WDFY2: variants seen among roughly 807,000 people sequenced by gnomAD.
WDFY2 encodes the protein WD repeat and FYVE domain containing 2, also known as WD repeat and FYVE domain-containing protein 2.
Under a neutral mutation model 56.4 loss-of-function variants are expected in WDFY2, and 36 were observed. That is an observed-to-expected ratio of 0.64 (90% CI 0.49 to 0.84). WDFY2 has a LOEUF of 0.84. Among genes scored for constraint, WDFY2 ranks in the 40% least tolerant of loss-of-function variants. The pLI is 0.00. For missense variants in WDFY2, 444 were observed against 512.2 expected (o/e 0.87, Z 1.29); for synonymous variants, 176 against 183.7 (o/e 0.96, Z 0.34).
intron 1 of WDFY2, among the ~76,000 whole-genome samples, chr13:51,655,298 C>CT: frequency 6.6e-6 from 1 of 152,070 alleles, no homozygotes; most frequent in South Asian, 2.1e-4. Context: ...TATGTTTTCA[C>CT]TTTTTATTGA....
intron 7 of WDFY2, among the ~76,000 whole-genome samples, chr13:51,743,790 C>G (rs564578130): frequency 6.6e-6 from 1 of 152,176 alleles, no homozygotes; most frequent in African/African-American, 2.4e-5. Flanking sequence ...AGTGGGAGGC[C>G]TCAGTGCGGG....
intron 3 of WDFY2, 34 bp from the exon 4 acceptor site, chr13:51,703,562 T>C: frequency 6.7e-7 from 1 of 1,490,696 alleles, no homozygotes; most frequent in Non-Finnish European, 9.2e-7. Context: ...TTAAAGAATT[T>C]ATTTTTGTTT....
chr13:51,733,794 A>G (rs1403406758), intron 6 of WDFY2, among the ~76,000 whole-genome samples: 3 of 152,186 alleles, frequency 2.0e-5, no homozygotes, highest in African/African-American at 7.2e-5. Context: ...TGTCTAGAGC[A>G]TGTATTGGCT....
At chr13:51,734,239 T>C (rs761736739) in intron 6 of WDFY2, among the ~76,000 whole-genome samples, 7 of 152,104 alleles carry the variant, frequency 4.6e-5, no homozygotes, top group South Asian at 2.1e-4. Flanking sequence ...CAAAAAAAAA[T>C]TAGTTCCCTA....
At position 51,757,637 on chromosome 13, in the gene WDFY2, A is replaced by T. The variant is rs1354012921; in HGVS notation, c.1065-555A>T. On this transcript the variant is annotated intron_variant, in intron 10 of 11. Transcript: ENST00000298125. ...AGGCAGCTGACAAGTCTTCTTACTT[A>T]AAAAAAAAAAAAGTATAGGTAAAAA... 2.1e-5 allele frequency among the ~76,000 whole-genome samples: 3 copies of T among 141,504 alleles called. No homozygotes were observed. The South Asian group carries it at 6.7e-4, about 32-fold the overall frequency. 92.8% of individuals were successfully genotyped at this position (141,504 alleles called of 152,430 possible). A position where few individuals can be genotyped will look rare whatever the true frequency, so the allele number is the denominator to read the frequency against.
intron 1 of WDFY2, 135 bp from the exon 2 acceptor site, chr13:51,660,459 CAA>C: frequency 1.6e-6 from 1 of 620,198 alleles, no homozygotes; most frequent in Non-Finnish European, 2.7e-6. Flanking sequence ...CTCGGCCTCT[CAA>C]AGTGCTGGGA....
chr13:51,609,558 CAA>C (rs1003031904), intron 1 of WDFY2, among the ~76,000 whole-genome samples: 5 of 141,236 alleles, frequency 3.5e-5, no homozygotes, highest in African/African-American at 1.3e-4. Flanking sequence ...TTTAAGGCAT[CAA>C]AAAACAAAAC....
At chr13:51,706,982 A>G (rs1049791941) in intron 4 of WDFY2, among the ~76,000 whole-genome samples, 17 of 152,352 alleles carry the variant, frequency 1.1e-4, no homozygotes, top group Non-Finnish European at 2.4e-4. Context: ...AGGAACAACA[A>G]GGAAATAAAA....
chr13:51,598,679 A>G (rs1425551722), intron 1 of WDFY2: 1 of 152,214 alleles, frequency 6.6e-6, no homozygotes, highest in East Asian at 1.9e-4. Context: ...TTCTCTATCC[A>G]AAGAAATATA....
chr13:51,585,567 T>G (rs758469323), intron 1 of WDFY2, among the ~76,000 whole-genome samples: 1 of 152,220 alleles, frequency 6.6e-6, no homozygotes, highest in Non-Finnish European at 1.5e-5. Flanking sequence ...CTCTCTCTGT[T>G]TTGCGTTTTC....
Position 51,766,731 on chromosome 13 carries a change from C to T in WDFY2, c.*6962C>T, listed in dbSNP as rs970873136. ...ACCAAAATATACGTGTAGCCATTAC[C>T]AATGTACAACTCTCAATGCGGAGTT... is the stretch of plus-strand genomic sequence containing the variant. On this transcript the variant is annotated 3_prime_UTR_variant, in exon 12 of 12. Transcript: ENST00000298125. The T allele has an allele frequency of 1.3e-5, 2 of 152,270 alleles. No individual in the cohort carries two copies. The highest frequency in any genetic ancestry group is 1.3e-4 in the Admixed American group (2 of 15,284). 9.4% of individuals were successfully genotyped at this position (152,270 alleles called of 1,614,324 possible). A position where few individuals can be genotyped will look rare whatever the true frequency, so the allele number is the denominator to read the frequency against.
rs1182874337 is a variant in WDFY2 at position 51,767,271 on chromosome 13, T to A, written c.*7502T>A. 6.6e-6 allele frequency: 1 copy of A among 152,272 alleles called. No homozygotes were observed. The highest frequency in any genetic ancestry group is 1.5e-5 in the Non-Finnish European group (1 of 68,048). 9.4% of individuals were successfully genotyped at this position (152,272 alleles called of 1,614,324 possible). ...CCACACCCAGCATTGCTGAGGCCCA[T>A]CATCCTCCTGCAGAAAAGGAGGCAT... On this transcript the variant is annotated 3_prime_UTR_variant, in exon 12 of 12. Coordinates refer to ENST00000298125, the MANE Select transcript of WDFY2 (RefSeq NM_052950.4).
At chr13:51,748,166 C>T (rs1028560856) in intron 7 of WDFY2, among the ~76,000 whole-genome samples, 2 of 152,194 alleles carry the variant, frequency 1.3e-5, no homozygotes, top group African/African-American at 2.4e-5. Flanking sequence ...CCCCCTCCCC[C>T]GACTGCCAAA....
chr13:51,709,357 CAG>C (rs1456666602), intron 4 of WDFY2, among the ~76,000 whole-genome samples: 1 of 152,162 alleles, frequency 6.6e-6, no homozygotes, highest in African/African-American at 2.4e-5. Context: ...GAATTAATAA[CAG>C]AAAAATCTCT....
chr13:51,601,839 G>A (rs997605923), intron 1 of WDFY2, among the ~76,000 whole-genome samples: 1 of 152,148 alleles, frequency 6.6e-6, no homozygotes, highest in Non-Finnish European at 1.5e-5. Context: ...GCAGAGGCAT[G>A]AGTGTGGAGC....
chr13:51,756,439 C>T lies in WDFY2; in HGVS notation c.1041C>T (p.Cys347=). The T allele has an allele frequency of 6.2e-7, 1 of 1,614,042 alleles. No homozygotes were observed. The highest frequency in any genetic ancestry group is 8.5e-7 in the Non-Finnish European group (1 of 1,179,948). Residue 347 remains cysteine (C), a synonymous_variant, in exon 10 of 12, where the codon TGC becomes TGT. Coordinates refer to ENST00000298125, the MANE Select transcript of WDFY2 (RefSeq NM_052950.4). ...TTGAAGTGAGGGTCTGTGACAGCTGCCACGAGGCCATCACAGATGAAGAGT... is the reference window on the plus strand; with the variant it reads ...TTGAAGTGAGGGTCTGTGACAGCTGTCACGAGGCCATCACAGATGAAGAGT... The part of the protein sequence containing the change: ...FEFEVRVCDS[C]HEAITDEERA...
chr13:51,666,446 A>G (rs979156138), intron 2 of WDFY2, among the ~76,000 whole-genome samples: 1 of 152,202 alleles, frequency 6.6e-6, no homozygotes, highest in Non-Finnish European at 1.5e-5. Flanking sequence ...GACACAGCCT[A>G]CTGGTGTGGT....
chr13:51,733,126 C>G (rs1952760398), intron 6 of WDFY2, among the ~76,000 whole-genome samples: 1 of 152,230 alleles, frequency 6.6e-6, no homozygotes, highest in Non-Finnish European at 1.5e-5. Context: ...ACCTCCATCT[C>G]TTGGGCTCAA....
In WDFY2 at chr13:51,762,926, G is replaced by A. The variant is rs747068439; in HGVS notation, c.*3157G>A. 1.1e-4 allele frequency: 17 copies of A among 152,186 alleles called. No homozygotes were observed. The highest frequency in any genetic ancestry group is 2.4e-4 in the Non-Finnish European group (16 of 68,032). 9.4% of individuals were successfully genotyped at this position (152,186 alleles called of 1,614,324 possible). On this transcript the variant is annotated 3_prime_UTR_variant, in exon 12 of 12. Transcript: ENST00000298125. Reference sequence around the variant, plus strand: ...CATTACTTGACATTACTGCCTGAGTGTATCTTCACAATAGCAAAATGGTTT... The same window carrying A: ...CATTACTTGACATTACTGCCTGAGTATATCTTCACAATAGCAAAATGGTTT...
Sources: gnomAD v4.1 joint callset for allele counts (sites outside exome capture counted in the v4.1 genomes callset) on GRCh38, gnomAD v4.1.1 for gene constraint, MANE v1.5 for transcripts, NCBI Gene and HGNC (gene_info 2026-07-23, HGNC 2026-07-21) for gene names.